Variants in KAZN observed in about 807,000 individuals in gnomAD.
KAZN encodes kazrin, periplakin interacting protein.
In KAZN, 40 loss-of-function variants were observed where a neutral mutation model predicts 87.4. The ratio of observed to expected loss-of-function variants is 0.46; its 90% confidence interval spans 0.36 to 0.60. KAZN has a LOEUF of 0.60. Ranked by LOEUF, KAZN falls within the 20% of genes least tolerant of loss-of-function variation. The pLI is 0.00. For missense variants in KAZN, 898 were observed against 1,073.9 expected, an observed-to-expected ratio of 0.84 and a Z score of 2.29; for synonymous variants, 466 against 458.3, an observed-to-expected ratio of 1.02 and a Z score of -0.22.
At chr1:14,400,858 A>G (rs1663341669) in intron 2 of KAZN, among the ~76,000 whole-genome samples, 1 of 152,176 alleles carries the variant, frequency 6.6e-6, no homozygotes, top group African/African-American at 2.4e-5. Flanking sequence ...AAATAAAAGT[A>G]GTTTTTTCAT....
At chr1:14,919,852 T>C (rs1658304734) in intron 1 of KAZN, among the ~76,000 whole-genome samples, 1 of 152,340 alleles carries the variant, frequency 6.6e-6, no homozygotes, top group East Asian at 1.9e-4. Flanking sequence ...CAGTATTCAG[T>C]ACAGTGACAT....
intron 1 of KAZN, among the ~76,000 whole-genome samples, chr1:13,983,570 G>A (rs1638859453): frequency 1.3e-5 from 2 of 152,210 alleles, no homozygotes; most frequent in Admixed American, 6.5e-5. Context: ...GCAAGCTGAG[G>A]GAGTGGGCTC....
chr1:14,984,057 T>C (rs1557685608), intron 2 of KAZN, among the ~76,000 whole-genome samples: 1 of 152,202 alleles, frequency 6.6e-6, no homozygotes, highest in Non-Finnish European at 1.5e-5. Flanking sequence ...TCTGAAATTA[T>C]TTTGTGATTA....
At chr1:14,912,564 A>G (rs1439408762) in intron 1 of KAZN, among the ~76,000 whole-genome samples, 2 of 152,038 alleles carry the variant, frequency 1.3e-5, no homozygotes, top group South Asian at 2.1e-4. Flanking sequence ...TATTTTTTGT[A>G]GAGACAGGGT....
At chr1:14,212,041 G>A (rs767015964) in intron 2 of KAZN, among the ~76,000 whole-genome samples, 2 of 152,090 alleles carry the variant, frequency 1.3e-5, no homozygotes, top group Non-Finnish European at 2.9e-5. Flanking sequence ...TCTTGTGTGT[G>A]AGGGCTGGAA....
rs958937400 is a variant in KAZN, at chr1:14,797,892, C to T, written c.227-162792C>T. ...TCCTAACTCAACACTTAAAAGATGC[C>T]AGCTCTCATTTATTCATCAAAAACA... On this transcript the variant is annotated intron_variant, in intron 1 of 14. Transcript: ENST00000376030. Among the ~76,000 whole-genome samples the T allele has an allele frequency of 1.4e-4, 21 of 152,102 alleles. 1 individual carries two copies. Among genetic ancestry groups the T allele is most frequent in the Non-Finnish European group, 1.2e-4 (8 of 68,038 alleles).
At chr1:14,892,688 C>T (rs891311753) in intron 1 of KAZN, among the ~76,000 whole-genome samples, 3 of 152,162 alleles carry the variant, frequency 2.0e-5, no homozygotes, top group Non-Finnish European at 4.4e-5. Flanking sequence ...GCCCATGGCT[C>T]AGGGTTCATA....
chr1:14,709,548 A>G (rs1021049485), intron 1 of KAZN, among the ~76,000 whole-genome samples: 3 of 152,186 alleles, frequency 2.0e-5, no homozygotes, highest in African/African-American at 7.2e-5. Flanking sequence ...TGCAGGAAGT[A>G]AACTCTGTGC....
chr1:14,812,259 C>T (rs975995960), intron 1 of KAZN, among the ~76,000 whole-genome samples: 1 of 152,198 alleles, frequency 6.6e-6, no homozygotes, highest in African/African-American at 2.4e-5. Flanking sequence ...CAGTCCCACA[C>T]CATGACACGG....
chr1:15,054,193 T>G (rs1221101794), intron 4 of KAZN, among the ~76,000 whole-genome samples: 1 of 151,938 alleles, frequency 6.6e-6, no homozygotes, highest in African/African-American at 2.4e-5. Context: ...GATGGATTTT[T>G]TTGTTGTTGT....
intron 2 of KAZN, among the ~76,000 whole-genome samples, chr1:14,514,601 A>ATTTTTT (rs1191341283): frequency 3.6e-3 from 122 of 34,252 alleles, no homozygotes; most frequent in African/African-American, 0.014. Context: ...TATTTTATAT[A>ATTTTTT]TATATATATA....
At chr1:14,913,611 T>C (rs1048101585) in intron 1 of KAZN, among the ~76,000 whole-genome samples, 2 of 152,232 alleles carry the variant, frequency 1.3e-5, no homozygotes, top group African/African-American at 4.8e-5. Context: ...TCTGCCTTAC[T>C]GTCTGGGCTT....
intron 1 of KAZN, among the ~76,000 whole-genome samples, chr1:14,162,038 A>G (rs1645721195): frequency 6.6e-6 from 1 of 152,258 alleles, no homozygotes. Context: ...AAGTTCTAAA[A>G]CACCTCAGGC....
chr1:14,377,997 T>C (rs1425320008), intron 2 of KAZN, among the ~76,000 whole-genome samples: 2 of 152,202 alleles, frequency 1.3e-5, no homozygotes, highest in African/African-American at 4.8e-5. Flanking sequence ...ATGAAGATCC[T>C]AGTAGGCCAA....
chr1:14,756,019 G>A (rs1644554690), intron 1 of KAZN, among the ~76,000 whole-genome samples: 1 of 152,182 alleles, frequency 6.6e-6, no homozygotes, highest in Admixed American at 6.5e-5. Flanking sequence ...CTGCAGGGGA[G>A]GAGAAGAGGC....
At chr1:14,637,024 A>G (rs992285743) in intron 1 of KAZN, among the ~76,000 whole-genome samples, 1 of 152,172 alleles carries the variant, frequency 6.6e-6, no homozygotes, top group Non-Finnish European at 1.5e-5. Flanking sequence ...ATGGTTACCC[A>G]GGAATCTGAG....
chr1:14,669,822 C>T (rs1398665054), intron 1 of KAZN, among the ~76,000 whole-genome samples: 2 of 152,130 alleles, frequency 1.3e-5, no homozygotes, highest in African/African-American at 4.8e-5. Context: ...AAAACCTCTC[C>T]CAGCTGAAAC....
intron 2 of KAZN, among the ~76,000 whole-genome samples, chr1:14,558,676 G>A (rs564396486): frequency 8.5e-5 from 13 of 152,216 alleles, no homozygotes; most frequent in South Asian, 4.1e-4. Context: ...GCTTGTGAGC[G>A]TTTGCATATG....
At position 15,106,190 on chromosome 1, in the gene KAZN, G is replaced by A. The variant is rs114093424; in HGVS notation, c.2048+2001G>A. ...CCAGCTACTCAGGAGGCTGAGGCTG[G>A]GGATTACTTGAGCCCGGGAGTGTGA... On this transcript the variant is annotated intron_variant, in intron 13 of 14. Transcript: ENST00000376030. 8.2e-3 allele frequency among the ~76,000 whole-genome samples: 1,254 copies of A among 152,214 alleles called. 20 individuals are homozygous for A. The highest frequency in any genetic ancestry group is 0.029 in the African/African-American group (1,199 of 41,514).
Sources: allele counts gnomAD v4.1 joint callset (sites outside exome capture counted in the v4.1 genomes callset), GRCh38; gene constraint gnomAD v4.1.1; transcripts MANE v1.5; gene names NCBI Gene and HGNC (gene_info 2026-07-23, HGNC 2026-07-21).